Variants in DYM observed in about 807,000 individuals in gnomAD.
DYM encodes dymeclin.
A neutral mutation model predicts 93.1 loss-of-function variants in DYM; 78 were observed. That is an observed-to-expected ratio of 0.84 (90% CI 0.70 to 1.01). DYM has a LOEUF of 1.01. Ranked by LOEUF, DYM falls within the 50% of genes least tolerant of loss-of-function variation. DYM has a pLI of 0.00. For missense variants in DYM, 789 were observed against 845.0 expected (o/e 0.93, Z 0.82); for synonymous variants, 321 against 319.7 (o/e 1.00, Z -0.04).
intron 2 of DYM, among the ~76,000 whole-genome samples, chr18:49,421,642 C>A (rs1280936338): frequency 2.6e-5 from 4 of 152,166 alleles, no homozygotes; most frequent in African/African-American, 7.2e-5. Context: ...CAAAGCTGGA[C>A]GGAGAATGAC....
In DYM at chr18:49,408,459, C is replaced by T. The variant is rs1191593622; in HGVS notation, c.141-16814G>A. On this transcript the variant is annotated intron_variant, in intron 2 of 17. Transcript: ENST00000675505. Reference sequence around the variant, plus strand: ...AAATCTGGAAGTGCAATTGCTAGGTCAATGAACACTTCTGTTCTGATGAAT... The same window carrying T: ...AAATCTGGAAGTGCAATTGCTAGGTTAATGAACACTTCTGTTCTGATGAAT... 2.0e-5 allele frequency among the ~76,000 whole-genome samples: 3 copies of T among 152,286 alleles called. 1 individual carries two copies. In the East Asian group the frequency reaches 5.8e-4, roughly 29 times the overall value.
chr18:49,393,960 G>A (rs1297919577), intron 2 of DYM, among the ~76,000 whole-genome samples: 1 of 152,112 alleles, frequency 6.6e-6, no homozygotes. Flanking sequence ...AAGTAAAAAG[G>A]TGATTGCCAG....
chr18:49,163,560 G>T, intron 15 of DYM, 125 bp downstream of exon 15: 1 of 653,846 alleles, frequency 1.5e-6, no homozygotes, highest in East Asian at 3.3e-5. Flanking sequence ...TGGCCAGGCT[G>T]GTCTTGAACT....
chr18:49,147,774 A>T (rs1381041293), intron 15 of DYM, among the ~76,000 whole-genome samples: 1 of 152,212 alleles, frequency 6.6e-6, no homozygotes, highest in Admixed American at 6.5e-5. Flanking sequence ...CCATTGTGGA[A>T]GTCAGTGTGG....
intron 14 of DYM, among the ~76,000 whole-genome samples, chr18:49,194,924 A>G (rs879536803): frequency 6.6e-6 from 1 of 152,126 alleles, no homozygotes; most frequent in Non-Finnish European, 1.5e-5. Context: ...TAGCCTCCAT[A>G]ATTTACTTAT....
rs1220293842 is a variant in DYM at position 49,142,123 on chromosome 18, A to T, written c.1728+21562T>A. On this transcript the variant is annotated intron_variant, in intron 15 of 17. Transcript: ENST00000675505. ...TGATCCGCCCACCTCGGTCTCCCAA[A>T]GTGCTGGGATTACAGGTGTGAGCCA... Among the ~76,000 whole-genome samples, 20 of 152,046 alleles carry T rather than the reference A, an allele frequency of 1.3e-4. No individual in the cohort carries two copies. The East Asian group carries it at 2.9e-3, about 22-fold the overall frequency.
intron 13 of DYM, among the ~76,000 whole-genome samples, chr18:49,220,598 C>G (rs2093309606): frequency 6.6e-6 from 1 of 151,740 alleles, no homozygotes; most frequent in Non-Finnish European, 1.5e-5. Flanking sequence ...AGAAATAATG[C>G]CGCATATCTA....
chr18:49,052,989 G>A (rs1168479838), intron 17 of DYM, among the ~76,000 whole-genome samples: 1 of 152,228 alleles, frequency 6.6e-6, no homozygotes, highest in Non-Finnish European at 1.5e-5. Context: ...CTGTGACACA[G>A]CTCAACAAAG....
At chr18:49,258,821 C>CACACAGAG (rs796581808) in intron 11 of DYM, among the ~76,000 whole-genome samples, 25 of 134,442 alleles carry the variant, frequency 1.9e-4, no homozygotes, top group East Asian at 9.6e-4. Flanking sequence ...CACACACACA[C>CACACAGAG]AGAGACACAC....
chr18:49,356,556 A>G (rs906336610), intron 6 of DYM, among the ~76,000 whole-genome samples: 16 of 152,194 alleles, frequency 1.1e-4, no homozygotes, highest in African/African-American at 3.9e-4. Context: ...CTAGATTCAA[A>G]GAAGTATTTT....
chr18:49,366,435 G>A (rs1322138312), intron 5 of DYM, among the ~76,000 whole-genome samples: 1 of 152,174 alleles, frequency 6.6e-6, no homozygotes, highest in African/African-American at 2.4e-5. Context: ...GATTCAGTGT[G>A]TTTACTGTAT....
At chr18:49,347,770 G>C (rs1385555418) in intron 6 of DYM, among the ~76,000 whole-genome samples, 1 of 152,212 alleles carries the variant, frequency 6.6e-6, no homozygotes, top group Non-Finnish European at 1.5e-5. Context: ...AAGAGCCAGA[G>C]AGGCCAATAC....
At chr18:49,153,018 G>C (rs1018157949) in intron 15 of DYM, among the ~76,000 whole-genome samples, 2 of 152,166 alleles carry the variant, frequency 1.3e-5, no homozygotes, top group African/African-American at 2.4e-5. Context: ...AGATGAGTAA[G>C]TTCTGTGGAC....
Position 49,391,630 on chromosome 18 carries a change from G to A in DYM, c.156C>T (p.Leu52=). 1 of 1,613,288 alleles carries A rather than the reference G, an allele frequency of 6.2e-7. No individual in the cohort carries two copies. The highest frequency in any genetic ancestry group is 1.1e-5 in the South Asian group (1 of 91,056). Residue 52 remains leucine (L), a synonymous_variant, in exon 3 of 18, where the codon CTC becomes CTT. Coordinates refer to ENST00000675505, the MANE Select transcript of DYM (RefSeq NM_001353214.3). Reference sequence around the variant, plus strand: ...AGACTGAAATGGTTGCTTCCTCCAAGAGTTTCAACTCACTACTGGAGAGAC... The same window carrying A: ...AGACTGAAATGGTTGCTTCCTCCAAAAGTTTCAACTCACTACTGGAGAGAC... ...PAPTSSSELK[L]LEEATISVCR... is the part of the protein sequence containing the mutation.
intron 13 of DYM, among the ~76,000 whole-genome samples, chr18:49,244,759 C>T (rs1242692339): frequency 6.6e-6 from 1 of 152,198 alleles, no homozygotes; most frequent in African/African-American, 2.4e-5. Flanking sequence ...CTGGTTCCTC[C>T]TTACCTATAG....
chr18:49,217,360 T>C (rs1600733238), intron 13 of DYM, among the ~76,000 whole-genome samples: 1 of 152,064 alleles, frequency 6.6e-6, no homozygotes, highest in Non-Finnish European at 1.5e-5. Flanking sequence ...ACTTCCCCAA[T>C]CTAGCAAGGC....
At chr18:49,112,133 T>TCCTCTCCGCACCCCCCG (rs1568440802) in intron 16 of DYM, among the ~76,000 whole-genome samples, 1 of 101,732 alleles carries the variant, frequency 9.8e-6, no homozygotes, top group East Asian at 2.9e-4. Context: ...CGCACCCCCC[T>TCCTCTCCGCACCCCCCG]CCCCTCCGCA....
At chr18:49,426,755 ATG>A (rs59381977) in intron 2 of DYM, among the ~76,000 whole-genome samples, 15,428 of 147,496 alleles carry the variant, frequency 0.1, 814 homozygotes, top group Middle Eastern at 0.14. Flanking sequence ...ACTGGAAAAC[ATG>A]TGTGTGTGTG....
intron 10 of DYM, among the ~76,000 whole-genome samples, chr18:49,275,962 T>C (rs2094838657): frequency 6.6e-6 from 1 of 152,098 alleles, no homozygotes; most frequent in South Asian, 2.1e-4. Context: ...ATTCTAAGAG[T>C]TTTTTAGTGG....
Sources: gnomAD v4.1 joint callset for allele counts (sites outside exome capture counted in the v4.1 genomes callset) on GRCh38, gnomAD v4.1.1 for gene constraint, MANE v1.5 for transcripts, NCBI Gene and HGNC (gene_info 2026-07-23, HGNC 2026-07-21) for gene names.